Variants in ZNF682 observed in about 807,000 individuals in gnomAD.
ZNF682 encodes zinc finger protein 682.
Under a neutral mutation model 36.5 loss-of-function variants are expected in ZNF682, and 29 were observed. The ratio of observed to expected loss-of-function variants is 0.80; its 90% CI spans 0.59 to 1.08. The LOEUF (loss-of-function observed/expected upper bound fraction) is 1.08, where lower values mean the gene tolerates loss of function less well. ZNF682 is among the 50% of genes least tolerant of loss of function. The pLI, the probability that ZNF682 is intolerant of heterozygous loss-of-function variation, is 0.00. For synonymous variants in ZNF682, 180 were observed against 197.0 expected (o/e 0.91, Z 0.72); for missense variants, 561 against 579.7 (o/e 0.97, Z 0.33).
At chr19:20,008,751 C>A (rs1277365873) in intron 3 of ZNF682, among the ~76,000 whole-genome samples, 1 of 152,096 alleles carries the variant, frequency 6.6e-6, no homozygotes, top group African/African-American at 2.4e-5. Flanking sequence ...ACCAAGGCCC[C>A]AAAATAAATT....
intron 1 of ZNF682, among the ~76,000 whole-genome samples, chr19:20,034,744 G>A (rs1568547888): frequency 6.9e-6 from 1 of 145,312 alleles, no homozygotes; most frequent in East Asian, 2.0e-4. Flanking sequence ...TTGCACTCCA[G>A]TCTGGGGCAA....
intron 3 of ZNF682, among the ~76,000 whole-genome samples, chr19:20,010,763 A>G (rs12460566): frequency 0.078 from 11,871 of 152,054 alleles, 702 homozygotes; most frequent in East Asian, 0.2. Context: ...TCAAGAGATC[A>G]AGACCATCCT....
At chr19:20,038,183 G>A (rs2088550657) in intron 1 of ZNF682, among the ~76,000 whole-genome samples, 1 of 152,060 alleles carries the variant, frequency 6.6e-6, no homozygotes, top group Non-Finnish European at 1.5e-5. Flanking sequence ...AGATTAAAGG[G>A]AGATTGGCAC....
chr19:20,003,462 T>C (rs1023260630), downstream of ZNF682, among the ~76,000 whole-genome samples: 1 of 151,784 alleles, frequency 6.6e-6, no homozygotes, highest in Non-Finnish European at 1.5e-5. Context: ...CCTAGCACTT[T>C]GGGAGGCTGA....
At chr19:20,018,091 T>C (rs2088351817) in intron 3 of ZNF682, among the ~76,000 whole-genome samples, 1 of 99,620 alleles carries the variant, frequency 1.0e-5, no homozygotes, top group Non-Finnish European at 1.9e-5. Context: ...TTTTTTTTTT[T>C]TTTTTTTTTT....
Position 20,005,982 on chromosome 19 carries a change from G to A in ZNF682, c.*23C>T. On this transcript the variant is annotated 3_prime_UTR_variant, in exon 4 of 4. Transcript: ENST00000397165. Reference sequence around the variant, plus strand: ...ATTTGCCACATTCTTTACATTTGTAGGATTTCTCTTTAGTAAAAATTCTTA... The same window carrying A: ...ATTTGCCACATTCTTTACATTTGTAAGATTTCTCTTTAGTAAAAATTCTTA... 6.4e-7 allele frequency: 1 copy of A among 1,550,504 alleles called. No homozygotes were observed. The highest frequency in any genetic ancestry group is 8.7e-7 in the Non-Finnish European group (1 of 1,150,864).
downstream of ZNF682, among the ~76,000 whole-genome samples, chr19:20,003,556 T>G (rs1252011898): frequency 6.6e-6 from 1 of 151,418 alleles, no homozygotes; most frequent in East Asian, 2.0e-4. Flanking sequence ...TACAAAAAAA[T>G]TAGCTGGGCG....
chr19:20,005,679 T>A lies in ZNF682; in HGVS notation c.*326A>T. ...CATTACACCTTGTGTACTCTAAGGC[T>A]TTTATTTGGTGACATCTTTCCACAG... On this transcript the variant is annotated 3_prime_UTR_variant, in exon 4 of 4. Transcript: ENST00000397165. 3.6e-6 allele frequency: 1 copy of A among 276,144 alleles called. No homozygotes were observed. Among genetic ancestry groups the A allele is most frequent in the Non-Finnish European group, 6.8e-6 (1 of 147,268 alleles). 17.1% of individuals were successfully genotyped at this position (276,144 alleles called of 1,614,324 possible).
intron 1 of ZNF682, among the ~76,000 whole-genome samples, chr19:20,030,400 T>C (rs1303715249): frequency 6.6e-6 from 1 of 152,014 alleles, no homozygotes; most frequent in African/African-American, 2.4e-5. Flanking sequence ...TGAAATCCCA[T>C]ATCTACTAAA....
At chr19:20,004,174 T>A (rs1275201268), downstream of ZNF682, among the ~76,000 whole-genome samples, 1 of 152,188 alleles carries the variant, frequency 6.6e-6, no homozygotes, top group Non-Finnish European at 1.5e-5. Flanking sequence ...GCCTGTGTAA[T>A]TTTCATAATA....
At chr19:20,039,159 G>A in intron 1 of ZNF682, 184 bp downstream of exon 1, 2 of 1,397,988 alleles carry the variant, frequency 1.4e-6, no homozygotes, top group South Asian at 1.6e-5. Context: ...CCAGGGTCCC[G>A]GCTGCTGGCC....
intron 1 of ZNF682, among the ~76,000 whole-genome samples, chr19:20,035,743 T>C (rs951216188): frequency 6.6e-6 from 1 of 150,914 alleles, no homozygotes; most frequent in African/African-American, 2.4e-5. Context: ...ACTGTTTGTT[T>C]GTTTTTTTTT....
chr19:20,037,245 T>C (rs796384174), intron 1 of ZNF682, among the ~76,000 whole-genome samples: 3 of 152,260 alleles, frequency 2.0e-5, no homozygotes, highest in South Asian at 2.1e-4. Context: ...CGAGGGAAAG[T>C]TGCTATCTAG....
intron 1 of ZNF682, among the ~76,000 whole-genome samples, chr19:20,030,504 G>A (rs1227607148): frequency 6.6e-6 from 1 of 152,130 alleles, no homozygotes; most frequent in African/African-American, 2.4e-5. Context: ...CCCGGTAGGC[G>A]AAGGTTGCAG....
intron 3 of ZNF682, among the ~76,000 whole-genome samples, chr19:20,014,489 G>A (rs201119702): frequency 2.0e-5 from 3 of 152,038 alleles, no homozygotes; most frequent in African/African-American, 7.2e-5. Context: ...GCAGAAAATT[G>A]GGTCGGACGT....
At chr19:20,015,694 C>A (rs967236808) in intron 3 of ZNF682, 33 of 390,390 alleles carry the variant, frequency 8.5e-5, no homozygotes, top group Non-Finnish European at 9.0e-6. Flanking sequence ...ACAGTTAGAG[C>A]ATTAATATTT....
chr19:19,999,253 C>T (rs988343664), intron 3 of ZNF682, among the ~76,000 whole-genome samples: 4 of 152,046 alleles, frequency 2.6e-5, no homozygotes, highest in Admixed American at 1.3e-4. Context: ...GCCTGAACTG[C>T]GACAAAAATG....
chr19:20,039,093 G>T, intron 1 of ZNF682: 39 of 1,353,066 alleles, frequency 2.9e-5, no homozygotes, highest in Non-Finnish European at 3.7e-5. Context: ...AACGCGCGCG[G>T]CTCTTCCCAG....
At chr19:20,031,953 T>C (rs774955179) in intron 1 of ZNF682, among the ~76,000 whole-genome samples, 2 of 152,206 alleles carry the variant, frequency 1.3e-5, no homozygotes, top group Non-Finnish European at 2.9e-5. Flanking sequence ...TGATTGGCCA[T>C]ACAGGGTTAA....
Sources: allele counts gnomAD v4.1 joint callset (sites outside exome capture counted in the v4.1 genomes callset), GRCh38; gene constraint gnomAD v4.1.1; transcripts MANE v1.5; gene names NCBI Gene and HGNC (gene_info 2026-07-23, HGNC 2026-07-21).